The following SPG21 variants were observed in gnomAD, a reference collection of about 807,000 sequenced individuals.
SPG21 encodes the protein SPG21 abhydrolase domain containing, maspardin.
Under a neutral mutation model 38.9 loss-of-function variants are expected in SPG21, and 26 were observed. The ratio of observed to expected loss-of-function variants is 0.67; its 90% CI spans 0.49 to 0.93. The LOEUF is 0.93. Among genes scored for constraint, SPG21 ranks in the 40% least tolerant of loss-of-function variants. The probability of loss-of-function intolerance (pLI) is 0.00; values close to 1 mark genes in which losing one functional copy is unlikely to be tolerated. For synonymous variants in SPG21, 136 were observed against 128.9 expected, an observed-to-expected ratio of 1.05 and a Z score of -0.37; for missense variants, 333 against 376.5, an observed-to-expected ratio of 0.88 and a Z score of 0.96.
At chr15:64,980,312 G>A (rs960853395) in intron 3 of SPG21, among the ~76,000 whole-genome samples, 1 of 152,158 alleles carries the variant, frequency 6.6e-6, no homozygotes, top group Non-Finnish European at 1.5e-5. Flanking sequence ...GCACGTAAAT[G>A]CTGGGCATGG....
At chr15:64,982,646 A>C (rs1196131861) in intron 2 of SPG21, among the ~76,000 whole-genome samples, 1 of 152,204 alleles carries the variant, frequency 6.6e-6, no homozygotes, top group Non-Finnish European at 1.5e-5. Context: ...TACTCTACTC[A>C]GTGACTTGAA....
chr15:64,971,625 C>A (rs1015950840), intron 5 of SPG21, among the ~76,000 whole-genome samples: 2 of 151,838 alleles, frequency 1.3e-5, no homozygotes, highest in Admixed American at 1.3e-4. Flanking sequence ...ATCACAAGGT[C>A]AGGAGTTCAA....
rs1398550004 is a variant in SPG21, at chr15:64,983,538, T to TA, written c.31_32insT (p.Asn11IlefsTer4). 1 of 1,579,800 alleles carries TA rather than the reference T, an allele frequency of 6.3e-7. No homozygotes were observed. On this transcript the variant is annotated frameshift_variant, in exon 2 of 9. Transcript: ENST00000204566. LOFTEE classifies it high-confidence loss of function. ...AAGGGGAACTGTACCTCTAAACCAG[T>TA]TATAATCAGGAGAGACTTTAATCTC...
rs987854709 is a variant in SPG21 at position 64,968,854 on chromosome 15, C to T, written c.669+401G>A. Among the ~76,000 whole-genome samples the T allele has an allele frequency of 2.0e-5, 3 of 152,108 alleles. No individual in the cohort carries two copies. The East Asian group carries it at 5.8e-4, about 29-fold the overall frequency. On this transcript the variant is annotated intron_variant, in intron 7 of 8. Coordinates refer to ENST00000204566, the MANE Select transcript of SPG21 (RefSeq NM_016630.7). ...TCTATTGATGAGAACAGCAAAAATA[C>T]ATCAAATGGGTAGACTCCCTTGTTT...
chr15:64,963,351 T>A lies in SPG21; in HGVS notation c.*269A>T. 2.4e-6 allele frequency: 1 copy of A among 416,540 alleles called. No individual in the cohort carries two copies. The highest frequency in any genetic ancestry group is 4.3e-5 in the East Asian group (1 of 23,408). The allele number at this position is 416,540 out of a possible 1,614,324, so 25.8% of individuals were successfully genotyped here. A position where few individuals can be genotyped will look rare whatever the true frequency, so the allele number is the denominator to read the frequency against. On this transcript the variant is annotated 3_prime_UTR_variant, in exon 9 of 9. Transcript: ENST00000204566. The stretch of plus-strand genomic sequence containing the variant: ...TTAAGAACACAGTGGTGAAGACTTT[T>A]GGTAGCAAAATTTGCACGGTTCTTA...
intron 1 of SPG21, chr15:64,987,085 C>T (rs1466557121): frequency 2.0e-5 from 3 of 152,156 alleles, no homozygotes; most frequent in African/African-American, 7.2e-5. Context: ...ACCAAACCAC[C>T]ATACAAATAC....
Position 64,963,671 on chromosome 15 carries a change from C to T in SPG21, c.876G>A (p.Glu292=). The T allele has an allele frequency of 6.2e-7, 1 of 1,614,198 alleles. No individual in the cohort carries two copies. Among genetic ancestry groups the T allele is most frequent in the South Asian group, 1.1e-5 (1 of 91,080 alleles). The stretch of plus-strand genomic sequence containing the variant: ...GGCTGCCTTTCTGCACCTCAAGCTC[C>T]TCGGCACTGACCATTGATGGGTCAA... The part of the protein sequence containing the change: ...AAIDPSMVSA[E]ELEVQKGSLG... The change falls in exon 9 of 9, where the codon GAG becomes GAA. Residue 292 remains glutamate (E), a synonymous_variant. Coordinates refer to ENST00000204566, the MANE Select transcript of SPG21 (RefSeq NM_016630.7).
chr15:64,982,149 T>TC (rs1595878833), intron 2 of SPG21, among the ~76,000 whole-genome samples: 1 of 146,276 alleles, frequency 6.8e-6, no homozygotes, highest in East Asian at 2.0e-4. Flanking sequence ...TTTCTTTTTT[T>TC]TTTTTTTTTT....
intron 5 of SPG21, among the ~76,000 whole-genome samples, chr15:64,972,992 C>G (rs1407559562): frequency 6.6e-6 from 1 of 152,126 alleles, no homozygotes; most frequent in Non-Finnish European, 1.5e-5. Context: ...GAAGTAGGGT[C>G]TTGCTCTGTC....
At chr15:64,969,447 T>C (rs2085615191) in intron 6 of SPG21, 85 bp from the exon 7 acceptor site, 1 of 1,003,254 alleles carries the variant, frequency 1.0e-6, no homozygotes, top group Admixed American at 1.7e-5. Flanking sequence ...TTTGTGCTTA[T>C]AAAGGTGGTA....
intron 5 of SPG21, among the ~76,000 whole-genome samples, chr15:64,972,810 C>T (rs1350920224): frequency 1.3e-5 from 2 of 152,030 alleles, no homozygotes; most frequent in African/African-American, 2.4e-5. Flanking sequence ...CCAGCCTGGG[C>T]GACAGAGCGA....
intron 3 of SPG21, 99 bp downstream of exon 3, chr15:64,980,765 A>AAACAAAC: frequency 7.3e-7 from 1 of 1,363,954 alleles, no homozygotes; most frequent in Non-Finnish European, 1.0e-6. Flanking sequence ...ACAAACAAAC[A>AAACAAAC]AACAAACTGT....
At chr15:64,973,069 T>A (rs1003774716) in intron 5 of SPG21, among the ~76,000 whole-genome samples, 2 of 152,148 alleles carry the variant, frequency 1.3e-5, no homozygotes, top group Non-Finnish European at 2.9e-5. Flanking sequence ...GCTCAAGCGA[T>A]CCTCCTGCCT....
intron 6 of SPG21, 34 bp downstream of exon 6, chr15:64,970,080 C>T: frequency 4.6e-6 from 7 of 1,536,240 alleles, no homozygotes; most frequent in Non-Finnish European, 6.3e-6. Flanking sequence ...ATTCCCAATA[C>T]AATGTGTCCC....
intron 1 of SPG21, among the ~76,000 whole-genome samples, chr15:64,984,434 C>G (rs1284338196): frequency 2.0e-5 from 3 of 152,164 alleles, no homozygotes; most frequent in Non-Finnish European, 4.4e-5. Context: ...CTCACCACAG[C>G]CTTAACCTCT....
intron 6 of SPG21, among the ~76,000 whole-genome samples, 175 bp downstream of exon 6, chr15:64,969,939 G>A (rs2085627558): frequency 1.3e-5 from 2 of 152,198 alleles, no homozygotes; most frequent in South Asian, 4.1e-4. Context: ...TGAATAGCTG[G>A]TGGGAAGCAC....
chr15:64,973,374 T>TA (rs2085710033), intron 5 of SPG21, among the ~76,000 whole-genome samples: 1 of 152,106 alleles, frequency 6.6e-6, no homozygotes, highest in African/African-American at 2.4e-5. Context: ...CTTAAAATGA[T>TA]AAAATCAATG....
intron 2 of SPG21, among the ~76,000 whole-genome samples, chr15:64,982,278 G>A (rs542088853): frequency 1.3e-5 from 2 of 151,292 alleles, no homozygotes; most frequent in Non-Finnish European, 2.9e-5. Context: ...CTGAGTGTCC[G>A]GGACTACAGG....
In SPG21 at chr15:64,983,516, G is replaced by T; in HGVS notation, c.54C>A (p.Pro18=). The T allele has an allele frequency of 6.3e-7, 1 of 1,576,094 alleles. No individual in the cohort carries two copies. The highest frequency in any genetic ancestry group is 2.3e-5 in the East Asian group (1 of 44,300). The change falls in exon 2 of 9, where the codon CCC becomes CCA. Residue 18 remains proline (P), a synonymous_variant. Coordinates refer to ENST00000204566, the MANE Select transcript of SPG21 (RefSeq NM_016630.7). ...GTAAAACCATACATACCTTTTTAAG[G>T]GGAACTGTACCTCTAAACCAGTTAT... The part of the protein sequence containing the change: ...PDYNWFRGTV[P]LKKIIVDDDD...
Sources: allele counts gnomAD v4.1 joint callset (sites outside exome capture counted in the v4.1 genomes callset), GRCh38; gene constraint gnomAD v4.1.1; transcripts MANE v1.5; gene names NCBI Gene and HGNC (gene_info 2026-07-23, HGNC 2026-07-21).